GSAP: variants seen among roughly 807,000 people sequenced by gnomAD.
GSAP encodes the protein gamma-secretase-activating protein.
GSAP carries 118 observed loss-of-function variants against 131.7 expected under a neutral mutation model. The ratio of observed to expected loss-of-function variants is 0.90; its 90% CI spans 0.77 to 1.04. The LOEUF (loss-of-function observed/expected upper bound fraction) is 1.04. Among genes scored for constraint, GSAP ranks in the 50% least tolerant of loss-of-function variants. The pLI is 0.00. For missense variants in GSAP, 1,019 were observed against 1,013.2 expected, an observed-to-expected ratio of 1.01 and a Z score of -0.08; for synonymous variants, 381 against 363.4, an observed-to-expected ratio of 1.05 and a Z score of -0.55.
Position 77,326,372 on chromosome 7 carries a change from G to A in GSAP, c.1766-99C>T, listed in dbSNP as rs921609828. ...CTGGGTTTCCCTTCTCTGAGTCATTGAGAAAACATAACACAGGATGAAAAT... is the reference window on the plus strand; with the variant it reads ...CTGGGTTTCCCTTCTCTGAGTCATTAAGAAAACATAACACAGGATGAAAAT... On this transcript the variant is annotated intron_variant, in intron 22 of 30. Transcript: ENST00000257626. The A allele has an allele frequency of 3.9e-5, 30 of 775,946 alleles. No homozygotes were observed. The South Asian group carries it at 4.9e-4, about 13-fold the overall frequency. The allele number at this position is 775,946 out of a possible 1,614,324, so 48.1% of individuals were successfully genotyped here. A position where few individuals can be genotyped will look rare whatever the true frequency, so the allele number is the denominator to read the frequency against.
At chr7:77,378,792 CA>C (rs1797360989) in intron 8 of GSAP, among the ~76,000 whole-genome samples, 1 of 152,148 alleles carries the variant, frequency 6.6e-6, no homozygotes, top group African/African-American at 2.4e-5. Flanking sequence ...TTAACAGAAG[CA>C]GTTAAGAATT....
intron 26 of GSAP, among the ~76,000 whole-genome samples, chr7:77,319,610 A>G (rs1787356289): frequency 6.6e-6 from 1 of 152,224 alleles, no homozygotes; most frequent in African/African-American, 2.4e-5. Context: ...CATGTTTATC[A>G]CAACATATTC....
chr7:77,340,248 A>ACC (rs1415557945), intron 19 of GSAP, among the ~76,000 whole-genome samples: 22 of 151,614 alleles, frequency 1.5e-4, no homozygotes, highest in Non-Finnish European at 1.5e-4. Context: ...AAACAGTCCC[A>ACC]CCCCTCTATC....
chr7:77,332,237 C>T (rs1470711696), intron 19 of GSAP, among the ~76,000 whole-genome samples: 4 of 152,176 alleles, frequency 2.6e-5, no homozygotes, highest in African/African-American at 9.6e-5. Flanking sequence ...ACTGCAGCTC[C>T]TAAGAAAAGA....
At chr7:77,396,513 A>G (rs1800418646) in intron 5 of GSAP, among the ~76,000 whole-genome samples, 1 of 152,162 alleles carries the variant, frequency 6.6e-6, no homozygotes, top group Non-Finnish European at 1.5e-5. Flanking sequence ...GCAGTTTTTA[A>G]AAGGTGGTGG....
At chr7:77,406,227 A>G in intron 1 of GSAP, 122 bp from the exon 2 acceptor site, 1 of 436,690 alleles carries the variant, frequency 2.3e-6, no homozygotes. Context: ...TAAAACTTAA[A>G]AACAGGCAAA....
In GSAP at chr7:77,330,226, G is replaced by C; in HGVS notation, c.1674+13C>G. The stretch of plus-strand genomic sequence containing the variant: ...CCTCGCTGCTGGCTTTGTTCTCACT[G>C]ACCCACTCATACCTCTTCAGAGATC... On this transcript the variant is annotated intron_variant, in intron 20 of 30. Coordinates refer to ENST00000257626, the MANE Select transcript of GSAP (RefSeq NM_017439.4). 1 of 1,606,054 alleles carries C rather than the reference G, an allele frequency of 6.2e-7. No homozygotes were observed.
chr7:77,322,799 A>G (rs1787847898), intron 24 of GSAP, among the ~76,000 whole-genome samples: 1 of 152,182 alleles, frequency 6.6e-6, no homozygotes, highest in Non-Finnish European at 1.5e-5. Flanking sequence ...ATTCAAATAT[A>G]TTACGTAGAA....
intron 1 of GSAP, among the ~76,000 whole-genome samples, chr7:77,409,691 TTATAAG>T (rs1802930574): frequency 6.6e-6 from 1 of 152,162 alleles, no homozygotes; most frequent in African/African-American, 2.4e-5. Context: ...TCTTTCAAGA[TTATAAG>T]TATGCGAGGA....
chr7:77,315,791 GAA>G (rs1022013867), intron 26 of GSAP: 1 of 152,158 alleles, frequency 6.6e-6, no homozygotes, highest in Non-Finnish European at 1.5e-5. Flanking sequence ...TTAGAGGAGA[GAA>G]AGATTAAGAG....
At chr7:77,318,384 C>A (rs1787157787) in intron 26 of GSAP, among the ~76,000 whole-genome samples, 1 of 152,120 alleles carries the variant, frequency 6.6e-6, no homozygotes, top group Admixed American at 6.6e-5. Context: ...TGTGTACTTT[C>A]AACAGTACGT....
intron 12 of GSAP, among the ~76,000 whole-genome samples, chr7:77,372,054 C>T (rs991824806): frequency 6.6e-6 from 1 of 152,220 alleles, no homozygotes; most frequent in Admixed American, 6.5e-5. Flanking sequence ...CACAACATCA[C>T]CTGTGAAGTA....
At chr7:77,415,855 G>A (rs1361053863) in intron 1 of GSAP, 8 of 223,236 alleles carry the variant, frequency 3.6e-5, no homozygotes, top group South Asian at 3.0e-4. Context: ...GAACCCCCCG[G>A]GAGGTGGGAT....
chr7:77,369,706 G>A (rs1406412723), intron 12 of GSAP, among the ~76,000 whole-genome samples: 1 of 152,172 alleles, frequency 6.6e-6, no homozygotes, highest in African/African-American at 2.4e-5. Context: ...TATAGAGGGA[G>A]TCACATTTAG....
At chr7:77,349,225 C>A in intron 19 of GSAP, 126 bp downstream of exon 19, 1 of 691,298 alleles carries the variant, frequency 1.4e-6, no homozygotes, top group South Asian at 1.7e-5. Flanking sequence ...TCCAGAAAAC[C>A]CACCCTACTG....
Position 77,320,768 on chromosome 7 carries a change from C to T in GSAP, c.2046G>A (p.Arg682=), listed in dbSNP as rs1183917220. 6.2e-7 allele frequency: 1 copy of T among 1,612,578 alleles called. No individual in the cohort carries two copies. Among genetic ancestry groups the T allele is most frequent in the South Asian group, 1.1e-5 (1 of 91,058 alleles). ...AEFAVFHIMT[R]ILEATNSLFL... is the part of the protein sequence containing the mutation. ...ACAAACTGTTTGTAGCTTCCAGAAT[C>T]CTGGTCATGATGTGAAAAACTGCAA... is the stretch of plus-strand genomic sequence containing the variant. The change falls in exon 26 of 31, where the codon AGG becomes AGA. Residue 682 remains arginine, a synonymous_variant. Coordinates refer to ENST00000257626, the MANE Select transcript of GSAP (RefSeq NM_017439.4).
At chr7:77,387,729 A>G (rs557676230) in intron 5 of GSAP, among the ~76,000 whole-genome samples, 79 of 152,312 alleles carry the variant, frequency 5.2e-4, no homozygotes, top group Admixed American at 3.3e-3. Context: ...AAGAAGCTGC[A>G]TTTTATTATG....
At chr7:77,416,363 G>A, upstream of GSAP, 1 of 1,199,852 alleles carries the variant, frequency 8.3e-7, no homozygotes, top group Non-Finnish European at 1.1e-6. Context: ...GCCCCGCACC[G>A]CGGGCATTCC....
Position 77,416,341 on chromosome 7 carries a change from G to A in GSAP, c.-20C>T. The A allele has an allele frequency of 7.0e-7, 1 of 1,436,798 alleles. No individual in the cohort carries two copies. The allele number at this position is 1,436,798 out of a possible 1,614,324, so 89.0% of individuals were successfully genotyped here. ...AGCCATCGCCCGGACACGACCACCG[G>A]GCGGCTCTGGGGCCCCGCACCGCGG... is the stretch of plus-strand genomic sequence containing the variant. On this transcript the variant is annotated 5_prime_UTR_variant, in exon 1 of 31. Coordinates refer to ENST00000257626, the MANE Select transcript of GSAP (RefSeq NM_017439.4).
Sources: allele counts gnomAD v4.1 joint callset (sites outside exome capture counted in the v4.1 genomes callset), GRCh38; gene constraint gnomAD v4.1.1; transcripts MANE v1.5; gene names NCBI Gene and HGNC (gene_info 2026-07-23, HGNC 2026-07-21).